The following EXT1 variants were observed in gnomAD, a reference collection of about 807,000 sequenced individuals.
EXT1 encodes the protein exostosin-1.
In EXT1, 20 loss-of-function variants were observed where a neutral mutation model predicts 82.5. That is an observed-to-expected ratio of 0.24 (90% CI 0.17 to 0.35). EXT1 has a LOEUF of 0.35. Among genes scored for constraint, EXT1 ranks in the 10% least tolerant of loss-of-function variants. The pLI, the probability that EXT1 is intolerant of heterozygous loss-of-function variation, is 1.00. For missense variants in EXT1, 757 were observed against 936.5 expected (o/e 0.81, Z 2.50); for synonymous variants, 348 against 350.8 (o/e 0.99, Z 0.09).
Position 118,111,428 on chromosome 8 carries a change from TGC to T in EXT1, c.-384_-383del. On this transcript the variant is annotated 5_prime_UTR_variant, in exon 1 of 11. Transcript: ENST00000378204. ...CAATGGCAAGACGAAGTGATTGCCT[TGC>T]CTCTCGGATTCCTCTCGGCAGCGTG... 1.9e-6 allele frequency: 1 copy of T among 533,672 alleles called. No individual in the cohort carries two copies. The highest frequency in any genetic ancestry group is 3.3e-6 in the Non-Finnish European group (1 of 304,654). The allele number at this position is 533,672 out of a possible 1,614,324, so 33.1% of individuals were successfully genotyped here.
At chr8:118,009,371 G>A (rs1378602511) in intron 1 of EXT1, among the ~76,000 whole-genome samples, 2 of 152,198 alleles carry the variant, frequency 1.3e-5, no homozygotes, top group Non-Finnish European at 2.9e-5. Context: ...CCATTTTCAG[G>A]ACTGGAAAAT....
intron 1 of EXT1, among the ~76,000 whole-genome samples, chr8:118,035,849 T>C (rs1330656993): frequency 6.6e-6 from 1 of 152,258 alleles, no homozygotes; most frequent in Non-Finnish European, 1.5e-5. Flanking sequence ...AGCTCCTTTA[T>C]GAGTTGTCTA....
At chr8:117,995,279 T>C (rs959483620) in intron 1 of EXT1, among the ~76,000 whole-genome samples, 1 of 152,204 alleles carries the variant, frequency 6.6e-6, no homozygotes, top group Non-Finnish European at 1.5e-5. Flanking sequence ...ATGCAGACCA[T>C]GTGTTCAGGC....
chr8:117,980,693 TG>T (rs765077808), intron 1 of EXT1, among the ~76,000 whole-genome samples: 2,885 of 27,028 alleles, frequency 0.11, 263 homozygotes, highest in South Asian at 0.14. Context: ...GTTCGGGTGT[TG>T]GTGGTTTTTT....
chr8:118,046,882 T>A (rs1816631309), intron 1 of EXT1, among the ~76,000 whole-genome samples: 2 of 152,200 alleles, frequency 1.3e-5, no homozygotes, highest in African/African-American at 4.8e-5. Context: ...TTCTTTGTGG[T>A]CTGTTTATAC....
intron 1 of EXT1, among the ~76,000 whole-genome samples, chr8:118,108,695 T>G (rs1008358241): frequency 6.6e-6 from 1 of 152,188 alleles, no homozygotes; most frequent in African/African-American, 2.4e-5. Context: ...TCACTCTCTA[T>G]GATCAAGTCT....
chr8:117,852,917 A>G (rs1812480670), intron 1 of EXT1, among the ~76,000 whole-genome samples: 1 of 152,134 alleles, frequency 6.6e-6, no homozygotes, highest in Non-Finnish European at 1.5e-5. Context: ...AATAAAATCA[A>G]CAGCTATAGT....
chr8:118,092,736 C>A (rs1327657854), intron 1 of EXT1, among the ~76,000 whole-genome samples: 1 of 152,328 alleles, frequency 6.6e-6, no homozygotes, highest in East Asian at 1.9e-4. Flanking sequence ...GACAGAAAAA[C>A]GTGTAATACA....
intron 1 of EXT1, among the ~76,000 whole-genome samples, chr8:118,102,450 C>G (rs17477455): frequency 1.3e-5 from 2 of 151,484 alleles, no homozygotes; most frequent in African/African-American, 4.8e-5. Flanking sequence ...TCCAAAAATA[C>G]ATTTAAAGTC....
At chr8:117,978,738 A>C (rs1300596115) in intron 1 of EXT1, among the ~76,000 whole-genome samples, 3 of 152,214 alleles carry the variant, frequency 2.0e-5, no homozygotes, top group African/African-American at 7.2e-5. Flanking sequence ...ACCAGAACAT[A>C]GACTCCACAA....
intron 1 of EXT1, among the ~76,000 whole-genome samples, chr8:117,950,949 CAA>C (rs755675307): frequency 4.6e-5 from 7 of 151,942 alleles, no homozygotes; most frequent in Non-Finnish European, 1.0e-4. Context: ...TACTTATAAC[CAA>C]AGAGGCAAAT....
At chr8:117,942,252 A>G (rs940673139) in intron 1 of EXT1, among the ~76,000 whole-genome samples, 1 of 152,218 alleles carries the variant, frequency 6.6e-6, no homozygotes, top group Non-Finnish European at 1.5e-5. Flanking sequence ...TGCACAGACC[A>G]CAACTGCACC....
At chr8:118,079,835 G>C (rs1817279282) in intron 1 of EXT1, among the ~76,000 whole-genome samples, 2 of 152,146 alleles carry the variant, frequency 1.3e-5, no homozygotes, top group African/African-American at 4.8e-5. Context: ...TCAGGAGGAG[G>C]ATGGCTGCAA....
rs747507129 is a variant in EXT1, at chr8:118,110,079, A to G, written c.962+6T>C. On this transcript the variant is annotated splice_donor_region_variant and intron_variant, in intron 1 of 10. Coordinates refer to ENST00000378204, the MANE Select transcript of EXT1 (RefSeq NM_000127.3). ...CTCCCAAAGACACGCCAGCCCAGAC[A>G]CTTACTTCTCATACTCGGTGTTGTC... The G allele has an allele frequency of 6.2e-7, 1 of 1,613,858 alleles. No individual in the cohort carries two copies. The highest frequency in any genetic ancestry group is 8.5e-7 in the Non-Finnish European group (1 of 1,180,014).
chr8:118,076,806 A>G (rs1473051493), intron 1 of EXT1, among the ~76,000 whole-genome samples: 1 of 152,254 alleles, frequency 6.6e-6, no homozygotes, highest in East Asian at 1.9e-4. Context: ...CTGCAACTGG[A>G]TGAAAATTAT....
At chr8:117,999,751 C>T (rs1815620431) in intron 1 of EXT1, among the ~76,000 whole-genome samples, 1 of 152,130 alleles carries the variant, frequency 6.6e-6, no homozygotes, top group Non-Finnish European at 1.5e-5. Flanking sequence ...CCTGCCTCTC[C>T]TTCCTCACCT....
Position 117,835,432 on chromosome 8 carries a change from C to A in EXT1, c.1164+12G>T, listed in dbSNP as rs1167993984. The stretch of plus-strand genomic sequence containing the variant: ...TCTGCTGATGTGTTGAAGGCCACAG[C>A]CCCTTCCTTACCTGTAATAACAATC... On this transcript the variant is annotated intron_variant, in intron 3 of 10. Coordinates refer to ENST00000378204, the MANE Select transcript of EXT1 (RefSeq NM_000127.3). 6.3e-7 allele frequency: 1 copy of A among 1,597,560 alleles called. No homozygotes were observed. Among genetic ancestry groups the A allele is most frequent in the Non-Finnish European group, 8.6e-7 (1 of 1,164,928 alleles).
chr8:117,875,933 TA>T (rs893827306), intron 1 of EXT1, among the ~76,000 whole-genome samples: 32 of 152,150 alleles, frequency 2.1e-4, no homozygotes, highest in African/African-American at 7.5e-4. Context: ...GGCAACTGGC[TA>T]GTGAAAAGAG....
intron 1 of EXT1, among the ~76,000 whole-genome samples, chr8:117,954,622 C>A (rs1056990851): frequency 2.0e-5 from 3 of 152,084 alleles, no homozygotes; most frequent in Non-Finnish European, 2.9e-5. Flanking sequence ...ATTTGTAATC[C>A]CACCTATACA....
Sources: allele counts gnomAD v4.1 joint callset (sites outside exome capture counted in the v4.1 genomes callset), GRCh38; gene constraint gnomAD v4.1.1; transcripts MANE v1.5; gene names NCBI Gene and HGNC (gene_info 2026-07-23, HGNC 2026-07-21).